Variants in LSS observed in about 807,000 individuals in gnomAD.
LSS encodes lanosterol synthase, also known as 2,3-epoxysqualene-lanosterol cyclase.
LSS carries 90 observed loss-of-function variants against 110.3 expected under a neutral mutation model. The observed-to-expected ratio is 0.82, with a 90% CI of 0.69 to 0.97. The LOEUF is 0.97. LSS is among the 50% of genes least tolerant of loss of function. The probability of loss-of-function intolerance (pLI) is 0.00; values close to 1 mark genes in which losing one functional copy is unlikely to be tolerated. For synonymous variants in LSS, 433 were observed against 400.0 expected (o/e 1.08, Z -0.98); for missense variants, 927 against 990.0 (o/e 0.94, Z 0.85).
intron 8 of LSS, 100 bp from the exon 9 acceptor site, chr21:46,215,398 T>TAGGGGGCCCC: frequency 1.3e-6 from 1 of 763,036 alleles, no homozygotes; most frequent in Non-Finnish European, 2.1e-6. Context: ...TCCCAGGGTT[T>TAGGGGGCCCC]CCCCCTCCCA....
intron 4 of LSS, chr21:46,222,406 G>T: frequency 1.7e-6 from 1 of 578,932 alleles, no homozygotes; most frequent in Admixed American, 3.2e-5. Flanking sequence ...TCTCAAGAGT[G>T]TCCTAACAGC....
chr21:46,199,037 A>G (rs1292750801), intron 17 of LSS, among the ~76,000 whole-genome samples: 1 of 152,178 alleles, frequency 6.6e-6, no homozygotes, highest in Non-Finnish European at 1.5e-5. Flanking sequence ...GAACATTGAT[A>G]AGCTGGACTT....
chr21:46,217,695 G>A (rs2080224699), intron 6 of LSS, among the ~76,000 whole-genome samples: 1 of 152,200 alleles, frequency 6.6e-6, no homozygotes, highest in Admixed American at 6.5e-5. Flanking sequence ...CGGCAGCACT[G>A]ACCGACGGCC....
At chr21:46,193,789 G>C (rs2079866490) in intron 20 of LSS, 1 of 391,968 alleles carries the variant, frequency 2.6e-6, no homozygotes, top group African/African-American at 2.2e-5. Context: ...TCTGTGTGTG[G>C]CACAGATGGG....
At chr21:46,227,850 C>T (rs545522301) in intron 2 of LSS, among the ~76,000 whole-genome samples, 160 bp from the exon 3 acceptor site, 1 of 152,234 alleles carries the variant, frequency 6.6e-6, no homozygotes, top group East Asian at 1.9e-4. Context: ...TTGATGAGAG[C>T]ATCACACCTC....
chr21:46,221,165 G>A (rs548327618), intron 5 of LSS, among the ~76,000 whole-genome samples: 369 of 133,298 alleles, frequency 2.8e-3, no homozygotes, highest in South Asian at 5.7e-3. Context: ...TTGGAGAGGT[G>A]GACAGCCCCG....
chr21:46,218,327 T>TGTTTG (rs2080232905), intron 6 of LSS, among the ~76,000 whole-genome samples: 1 of 152,166 alleles, frequency 6.6e-6, no homozygotes, highest in Non-Finnish European at 1.5e-5. Context: ...AGCCATAAAA[T>TGTTTG]GTTACAAGAC....
chr21:46,197,063 C>T (rs1361214541), intron 17 of LSS, among the ~76,000 whole-genome samples: 8 of 152,224 alleles, frequency 5.3e-5, no homozygotes, highest in Non-Finnish European at 1.2e-4. Flanking sequence ...CCTGCGAGGC[C>T]GCGCCTGGAC....
Position 46,213,730 on chromosome 21 carries a change from A to T in LSS, c.1109+8T>A. 1 of 1,611,848 alleles carries T rather than the reference A, an allele frequency of 6.2e-7. No individual in the cohort carries two copies. Among genetic ancestry groups the T allele is most frequent in the Non-Finnish European group, 8.5e-7 (1 of 1,178,642 alleles). On this transcript the variant is annotated splice_region_variant and intron_variant, in intron 10 of 21. Coordinates refer to ENST00000397728, the MANE Select transcript of LSS (RefSeq NM_002340.6). ...GAGGCCCCGCCAGCATATCCCAGCC[A>T]CACTCACCAGAGATAGTCCGGGATT...
intron 2 of LSS, 42 bp from the exon 3 acceptor site, chr21:46,227,732 G>C: frequency 6.2e-7 from 1 of 1,608,426 alleles, no homozygotes. Context: ...TAGCTGACGG[G>C]ACTGTTGCCC....
rs148141905 is a variant in LSS at position 46,206,689 on chromosome 21, T to C, written c.1547A>G (p.Asn516Ser). ...KRGGHLLELL[N>S]PSEVFGDIMI... ...CCACTCACCGAAGACCTCCGAGGGG[T>C]TCAGCAGCTCCAGCAAGTGCCCCCC... is the stretch of plus-strand genomic sequence containing the variant. Residue 516 changes from asparagine to serine, a missense_variant, in exon 16 of 22, where the codon AAC becomes AGC. Coordinates refer to ENST00000397728, the MANE Select transcript of LSS (RefSeq NM_002340.6). 1.2e-5 allele frequency: 19 copies of C among 1,612,148 alleles called. No homozygotes were observed. The highest frequency in any genetic ancestry group is 1.6e-5 in the Non-Finnish European group (19 of 1,179,894).
chr21:46,207,705 G>A, intron 14 of LSS, 128 bp from the exon 15 acceptor site: 3 of 1,105,048 alleles, frequency 2.7e-6, no homozygotes, highest in Admixed American at 5.0e-5. Flanking sequence ...AGCCACCAAA[G>A]GTGTGGGTGC....
Position 46,192,762 on chromosome 21 carries a change from A to G in LSS, c.1989-803T>C, listed in dbSNP as rs751075824. The G allele has an allele frequency of 1.3e-4, 60 of 450,580 alleles. 1 individual carries two copies. Among genetic ancestry groups the G allele is most frequent in the Non-Finnish European group, 1.9e-4 (43 of 225,780 alleles). 27.9% of individuals were successfully genotyped at this position (450,580 alleles called of 1,614,324 possible). On this transcript the variant is annotated intron_variant, in intron 20 of 21. Transcript: ENST00000397728. ...TGCGGGTGCATCTGCATGTGTGTAC[A>G]CAGGTGCCTGTGCATGTGTACATGT...
At chr21:46,208,544 G>A (rs1038922926) in intron 13 of LSS, among the ~76,000 whole-genome samples, 1 of 152,192 alleles carries the variant, frequency 6.6e-6, no homozygotes, top group Admixed American at 6.5e-5. Context: ...CAGCCCAGAC[G>A]GGACTGGGAG....
At chr21:46,191,696 C>T (rs2079818130) in intron 21 of LSS, among the ~76,000 whole-genome samples, 185 bp downstream of exon 21, 1 of 152,224 alleles carries the variant, frequency 6.6e-6, no homozygotes, top group Non-Finnish European at 1.5e-5. Flanking sequence ...ACAGCAAGAT[C>T]TGGACTTTAG....
intron 3 of LSS, 139 bp downstream of exon 3, chr21:46,227,413 A>C: frequency 9.6e-7 from 1 of 1,043,806 alleles, no homozygotes; most frequent in Non-Finnish European, 1.4e-6. Flanking sequence ...ACTCTGACAT[A>C]GGGCAGAGTT....
In LSS at chr21:46,191,157, G is replaced by T; in HGVS notation, c.2146C>A (p.Leu716Ile). The T allele has an allele frequency of 1.2e-6, 2 of 1,614,190 alleles. No homozygotes were observed. Among genetic ancestry groups the T allele is most frequent in the Non-Finnish European group, 1.7e-6 (2 of 1,180,024 alleles). ...SYRNIFPIWA[L>I]GRFSQLYPER... ...GGGTACAGCTGGGAGAAGCGGCCGAGGGCCCAGATGGGGAAGATGTTCCTG... is the reference window on the plus strand; with the variant it reads ...GGGTACAGCTGGGAGAAGCGGCCGATGGCCCAGATGGGGAAGATGTTCCTG... The change falls in exon 22 of 22, where the codon CTC (leucine) becomes ATC (isoleucine). Residue 716 changes from leucine to isoleucine, a missense_variant. Transcript: ENST00000397728.
intron 17 of LSS, among the ~76,000 whole-genome samples, chr21:46,203,093 T>G (rs540466611): frequency 6.6e-6 from 1 of 152,204 alleles, no homozygotes; most frequent in African/African-American, 2.4e-5. Flanking sequence ...GGGAGAGAGA[T>G]GAGCAGAGAA....
Position 46,222,755 on chromosome 21 carries a change from A to G in LSS, c.320-17T>C. 6.2e-7 allele frequency: 1 copy of G among 1,600,102 alleles called. No homozygotes were observed. The highest frequency in any genetic ancestry group is 2.2e-5 in the East Asian group (1 of 44,808). ...TCAGGAGGCCTGTGTGGCAGGAGAG[A>G]TGTTCCTCACTGGGGACAGGTGGTC... On this transcript the variant is annotated splice_polypyrimidine_tract_variant and intron_variant, in intron 3 of 21. Transcript: ENST00000397728.
Sources: allele counts gnomAD v4.1 joint callset (sites outside exome capture counted in the v4.1 genomes callset), GRCh38; gene constraint gnomAD v4.1.1; transcripts MANE v1.5; gene names NCBI Gene and HGNC (gene_info 2026-07-23, HGNC 2026-07-21).